The following XKR4 variants were observed in gnomAD, a reference collection of about 807,000 sequenced individuals.
XKR4 encodes the protein XK-related protein 4.
Under a neutral mutation model 53.9 loss-of-function variants are expected in XKR4, and 12 were observed. The observed-to-expected ratio is 0.22, with a 90% CI of 0.14 to 0.36. XKR4 has a LOEUF of 0.36. Ranked by LOEUF, XKR4 falls within the 10% of genes least tolerant of loss-of-function variation. The pLI is 1.00. For synonymous variants in XKR4, 354 were observed against 362.4 expected (o/e 0.98, Z 0.26); for missense variants, 799 against 859.5 (o/e 0.93, Z 0.88).
At chr8:55,217,314 A>G (rs1315950460) in intron 1 of XKR4, among the ~76,000 whole-genome samples, 1 of 152,050 alleles carries the variant, frequency 6.6e-6, no homozygotes, top group Admixed American at 6.6e-5. Flanking sequence ...AAACATATGA[A>G]AATATGCTAA....
chr8:55,250,501 G>A (rs1030616441), intron 1 of XKR4, among the ~76,000 whole-genome samples: 1 of 152,144 alleles, frequency 6.6e-6, no homozygotes, highest in Non-Finnish European at 1.5e-5. Flanking sequence ...TTCTCTAAGG[G>A]AGCTGGCTGT....
chr8:55,289,739 A>AAG (rs1284841558), intron 1 of XKR4, among the ~76,000 whole-genome samples: 2 of 13,922 alleles, frequency 1.4e-4, no homozygotes, highest in Non-Finnish European at 1.6e-3. Flanking sequence ...GAAAGAAAGA[A>AAG]AGAAAAAGAA....
In XKR4 at chr8:55,450,195, G is replaced by A. The variant is rs540726890; in HGVS notation, c.1007-73086G>A. The A allele has an allele frequency of 2.6e-4, 170 of 661,626 alleles. 1 individual carries two copies. The African/African-American group carries it at 2.9e-3, about 11-fold the overall frequency. 41.0% of individuals were successfully genotyped at this position (661,626 alleles called of 1,614,324 possible). ...GGGCTCGGGGGCAGCTGTGGTAGCA[G>A]GGCCACACCACACAGCACCTGCTCT... On this transcript the variant is annotated intron_variant, in intron 2 of 2. Coordinates refer to ENST00000327381, the MANE Select transcript of XKR4 (RefSeq NM_052898.2).
At chr8:55,153,724 C>A (rs1816869172) in intron 1 of XKR4, among the ~76,000 whole-genome samples, 1 of 152,210 alleles carries the variant, frequency 6.6e-6, no homozygotes, top group Non-Finnish European at 1.5e-5. Context: ...GTGCCCAGTG[C>A]TGATATCCTC....
chr8:55,409,561 A>C (rs1453458273), intron 2 of XKR4, among the ~76,000 whole-genome samples: 1 of 124,876 alleles, frequency 8.0e-6, no homozygotes, highest in African/African-American at 2.8e-5. Flanking sequence ...TGGAACATGA[A>C]ACAGTTTTTT....
chr8:55,479,040 C>T (rs897960019), intron 2 of XKR4, among the ~76,000 whole-genome samples: 3 of 152,066 alleles, frequency 2.0e-5, no homozygotes, highest in Admixed American at 2.0e-4. Context: ...CAGCTCTGCA[C>T]CACGCGGACC....
intron 2 of XKR4, among the ~76,000 whole-genome samples, chr8:55,381,551 G>A (rs1320944479): frequency 2.0e-5 from 3 of 152,174 alleles, no homozygotes; most frequent in Admixed American, 1.3e-4. Context: ...TCCGAGGGGA[G>A]GAGAAGGGTG....
intron 1 of XKR4, among the ~76,000 whole-genome samples, chr8:55,184,962 C>T (rs1817357167): frequency 6.6e-6 from 1 of 152,018 alleles, no homozygotes; most frequent in Non-Finnish European, 1.5e-5. Flanking sequence ...CAATAGTGAA[C>T]ATGCCCAACA....
At chr8:55,164,402 TTGAC>T (rs1329675628) in intron 1 of XKR4, 3 of 456,180 alleles carry the variant, frequency 6.6e-6, no homozygotes, top group African/African-American at 2.0e-5. Context: ...ACATTCCTGT[TTGAC>T]TGACAGATCT....
At chr8:55,372,571 G>C (rs1804084094) in intron 2 of XKR4, among the ~76,000 whole-genome samples, 1 of 143,920 alleles carries the variant, frequency 6.9e-6, no homozygotes, top group Non-Finnish European at 1.5e-5. Context: ...TTTCTAGAAA[G>C]CCACAGACAG....
At chr8:55,297,219 G>A (rs529265080) in intron 1 of XKR4, among the ~76,000 whole-genome samples, 6 of 152,138 alleles carry the variant, frequency 3.9e-5, no homozygotes, top group Admixed American at 3.9e-4. Flanking sequence ...AGCTTGGGGA[G>A]CACATTTAAA....
At chr8:55,188,741 C>T (rs1454892064) in intron 1 of XKR4, among the ~76,000 whole-genome samples, 1 of 152,128 alleles carries the variant, frequency 6.6e-6, no homozygotes, top group Admixed American at 6.5e-5. Context: ...CATGAAGATG[C>T]TTAGTAATTG....
chr8:55,309,713 C>T (rs1206517241), intron 1 of XKR4, among the ~76,000 whole-genome samples: 1 of 152,150 alleles, frequency 6.6e-6, no homozygotes, highest in Admixed American at 6.5e-5. Flanking sequence ...ATCTCTGTAT[C>T]ACTTCTTGCA....
chr8:55,464,340 G>A (rs1459085335), intron 2 of XKR4, among the ~76,000 whole-genome samples: 3 of 152,142 alleles, frequency 2.0e-5, no homozygotes, highest in East Asian at 3.9e-4. Flanking sequence ...ATCAATAAAC[G>A]TAATCCAGCA....
At chr8:55,484,452 T>C (rs781666740) in intron 2 of XKR4, among the ~76,000 whole-genome samples, 1 of 152,134 alleles carries the variant, frequency 6.6e-6, no homozygotes, top group African/African-American at 2.4e-5. Flanking sequence ...TTCCACAACA[T>C]TTAAAAGAGA....
intron 1 of XKR4, among the ~76,000 whole-genome samples, chr8:55,149,610 A>C (rs1816815133): frequency 6.6e-6 from 1 of 152,230 alleles, no homozygotes; most frequent in Non-Finnish European, 1.5e-5. Context: ...CGTTCTCAGA[A>C]TGGTTGTCAA....
In XKR4 at chr8:55,436,600, C is replaced by A. The variant is rs1014338131; in HGVS notation, c.1006+78723C>A. 2.6e-5 allele frequency among the ~76,000 whole-genome samples: 4 copies of A among 152,236 alleles called. No individual in the cohort carries two copies. In the South Asian group the frequency reaches 8.3e-4, roughly 32 times the overall value. ...TTATAACTCAAAGAGGACTTTTCTTCCTGTGGTCTTTTGGCCTCCAACCTC... is the reference window on the plus strand; with the variant it reads ...TTATAACTCAAAGAGGACTTTTCTTACTGTGGTCTTTTGGCCTCCAACCTC... On this transcript the variant is annotated intron_variant, in intron 2 of 2. Transcript: ENST00000327381.
intron 2 of XKR4, among the ~76,000 whole-genome samples, chr8:55,422,094 C>T (rs1049968598): frequency 1.3e-5 from 2 of 152,138 alleles, no homozygotes; most frequent in East Asian, 1.9e-4. Context: ...TTAGTGGTTC[C>T]ATGAATTGAG....
intron 1 of XKR4, among the ~76,000 whole-genome samples, chr8:55,255,274 T>C (rs888903761): frequency 3.3e-5 from 5 of 152,214 alleles, no homozygotes; most frequent in African/African-American, 1.2e-4. Flanking sequence ...GTTATTTTAC[T>C]TCTCAGAGCC....
Sources: allele counts gnomAD v4.1 joint callset (sites outside exome capture counted in the v4.1 genomes callset), GRCh38; gene constraint gnomAD v4.1.1; transcripts MANE v1.5; gene names NCBI Gene and HGNC (gene_info 2026-07-23, HGNC 2026-07-21).